The following KCNB2 variants were observed in gnomAD, a reference collection of about 807,000 sequenced individuals.
KCNB2 encodes delayed rectifier potassium channel protein.
Under a neutral mutation model 61.5 loss-of-function variants are expected in KCNB2, and 15 were observed. The ratio of observed to expected loss-of-function variants is 0.24; its 90% confidence interval spans 0.16 to 0.38. The LOEUF (loss-of-function observed/expected upper bound fraction) is 0.38. Among genes scored for constraint, KCNB2 ranks in the 10% least tolerant of loss-of-function variants. KCNB2 has a pLI of 1.00. For synonymous variants in KCNB2, 457 were observed against 446.0 expected (o/e 1.02, Z -0.31); for missense variants, 828 against 1,125.2 (o/e 0.74, Z 3.78).
At chr8:72,746,002 T>A (rs1472649290) in intron 2 of KCNB2, among the ~76,000 whole-genome samples, 1 of 152,190 alleles carries the variant, frequency 6.6e-6, no homozygotes, top group Admixed American at 6.5e-5. Context: ...ACTAAAACTC[T>A]CAAATCAGAT....
intron 2 of KCNB2, among the ~76,000 whole-genome samples, chr8:72,928,665 A>C (rs547729194): frequency 4.3e-5 from 6 of 140,784 alleles, no homozygotes; most frequent in African/African-American, 1.6e-4. Context: ...TTTCAATTAC[A>C]TGGAACACAC....
At chr8:72,705,684 ACAAT>A (rs1807212617) in intron 2 of KCNB2, among the ~76,000 whole-genome samples, 1 of 152,218 alleles carries the variant, frequency 6.6e-6, no homozygotes, top group African/African-American at 2.4e-5. Flanking sequence ...GTGGAGGAAG[ACAAT>A]CAAGCCAACT....
At chr8:72,593,718 C>G (rs2128981697) in intron 2 of KCNB2, among the ~76,000 whole-genome samples, 1 of 152,272 alleles carries the variant, frequency 6.6e-6, no homozygotes, top group Admixed American at 6.5e-5. Context: ...CCTTCTTGAC[C>G]TGAGCCATAA....
At chr8:72,923,247 G>A (rs536479267) in intron 2 of KCNB2, among the ~76,000 whole-genome samples, 1 of 151,954 alleles carries the variant, frequency 6.6e-6, no homozygotes, top group Non-Finnish European at 1.5e-5. Context: ...AAAGTTACCT[G>A]ACTCTGTTAA....
intron 2 of KCNB2, among the ~76,000 whole-genome samples, chr8:72,741,307 C>T (rs1807954997): frequency 6.6e-6 from 1 of 152,160 alleles, no homozygotes; most frequent in Admixed American, 6.6e-5. Context: ...TCCTTCTGCC[C>T]TGTTACCTGC....
At chr8:72,737,760 G>C (rs1807874130) in intron 2 of KCNB2, among the ~76,000 whole-genome samples, 1 of 152,142 alleles carries the variant, frequency 6.6e-6, no homozygotes, top group Non-Finnish European at 1.5e-5. Flanking sequence ...ACAGACAATA[G>C]TCTGCATTCC....
At chr8:72,686,277 G>T (rs1023376468) in intron 2 of KCNB2, among the ~76,000 whole-genome samples, 1 of 152,108 alleles carries the variant, frequency 6.6e-6, no homozygotes, top group Non-Finnish European at 1.5e-5. Flanking sequence ...TAGCCTGGGC[G>T]ACCAGTGTCC....
At chr8:72,554,193 C>T (rs987601162) in intron 1 of KCNB2, among the ~76,000 whole-genome samples, 14 of 152,050 alleles carry the variant, frequency 9.2e-5, no homozygotes, top group East Asian at 3.9e-4. Context: ...ATATTCTTTG[C>T]GGTGATCCTG....
intron 2 of KCNB2, among the ~76,000 whole-genome samples, chr8:72,730,870 A>G (rs565286836): frequency 1.3e-5 from 2 of 152,234 alleles, no homozygotes; most frequent in East Asian, 1.9e-4. Flanking sequence ...ACTAAAACAA[A>G]CCACCTTAGA....
chr8:72,935,057 C>G (rs1397760629), intron 2 of KCNB2, among the ~76,000 whole-genome samples: 1 of 152,042 alleles, frequency 6.6e-6, no homozygotes, highest in Non-Finnish European at 1.5e-5. Context: ...ATGATTGTTG[C>G]CTTTATTCAA....
intron 1 of KCNB2, among the ~76,000 whole-genome samples, chr8:72,566,543 A>C (rs1364602052): frequency 1.3e-5 from 2 of 151,812 alleles, no homozygotes; most frequent in East Asian, 3.9e-4. Context: ...CTAAAAAAAA[A>C]AAAAAATACA....
chr8:72,711,386 G>A (rs144644030), intron 2 of KCNB2, among the ~76,000 whole-genome samples: 1 of 152,266 alleles, frequency 6.6e-6, no homozygotes, highest in African/African-American at 2.4e-5. Context: ...CCTCCTACAA[G>A]GTCCAGGCTC....
intron 1 of KCNB2, among the ~76,000 whole-genome samples, chr8:72,541,173 T>A (rs1806182954): frequency 1.3e-5 from 2 of 151,678 alleles, no homozygotes; most frequent in African/African-American, 4.8e-5. Flanking sequence ...TATAAAACAA[T>A]AAAAATAATA....
intron 2 of KCNB2, among the ~76,000 whole-genome samples, chr8:72,765,659 A>T (rs185894927): frequency 1.3e-5 from 2 of 152,354 alleles, no homozygotes; most frequent in East Asian, 1.9e-4. Context: ...AGACAAGCTG[A>T]TTATCAAATA....
chr8:72,755,986 C>T (rs562091348), intron 2 of KCNB2, among the ~76,000 whole-genome samples: 7 of 152,314 alleles, frequency 4.6e-5, no homozygotes, highest in South Asian at 2.1e-4. Context: ...TAGCCCTCCT[C>T]AGCTGTACAT....
At chr8:72,745,832 C>T (rs1808053781) in intron 2 of KCNB2, among the ~76,000 whole-genome samples, 1 of 152,104 alleles carries the variant, frequency 6.6e-6, no homozygotes, top group Non-Finnish European at 1.5e-5. Context: ...TAGCCAGTCC[C>T]CTCCCTTCCT....
chr8:72,819,937 CA>C, intron 2 of KCNB2, among the ~76,000 whole-genome samples: 1 of 152,112 alleles, frequency 6.6e-6, no homozygotes, highest in Non-Finnish European at 1.5e-5. Context: ...ATTCTCCTAC[CA>C]GATGCCTCCA....
intron 2 of KCNB2, among the ~76,000 whole-genome samples, chr8:72,645,270 A>G (rs900971206): frequency 7.2e-5 from 11 of 152,188 alleles, no homozygotes; most frequent in Middle Eastern, 3.4e-3. Context: ...GCCTAAGTAT[A>G]TATACTAGGT....
intron 1 of KCNB2, among the ~76,000 whole-genome samples, chr8:72,561,986 CAT>C (rs1054090686): frequency 3.8e-4 from 58 of 151,278 alleles, no homozygotes; most frequent in African/African-American, 1.2e-3. Flanking sequence ...TTCTTTGAAA[CAT>C]AGTTTCTACA....
Sources: allele counts gnomAD v4.1 joint callset (sites outside exome capture counted in the v4.1 genomes callset), GRCh38; gene constraint gnomAD v4.1.1; transcripts MANE v1.5; gene names NCBI Gene and HGNC (gene_info 2026-07-23, HGNC 2026-07-21).